Variants in MDN1 observed in about 807,000 individuals in gnomAD.
MDN1 encodes midasin.
Under a neutral mutation model 669.2 loss-of-function variants are expected in MDN1, and 266 were observed. That is an observed-to-expected ratio of 0.40 (90% CI 0.36 to 0.44). The LOEUF (loss-of-function observed/expected upper bound fraction) is 0.44. Among genes scored for constraint, MDN1 ranks in the 20% least tolerant of loss-of-function variants. The pLI is 1.00. For missense variants in MDN1, 5,940 were observed against 6,754.0 expected, an observed-to-expected ratio of 0.88 and a Z score of 4.22; for synonymous variants, 2,385 against 2,457.1, an observed-to-expected ratio of 0.97 and a Z score of 0.87.
intron 42 of MDN1, 34 bp from the exon 43 acceptor site, chr6:89,718,661 G>A: frequency 6.2e-7 from 1 of 1,609,426 alleles, no homozygotes; most frequent in South Asian, 1.1e-5. Flanking sequence ...CTCATCATAG[G>A]GTCAGAGAAT....
intron 12 of MDN1, 111 bp from the exon 13 acceptor site, chr6:89,774,844 C>T (rs990033428): frequency 2.7e-5 from 18 of 665,734 alleles, no homozygotes; most frequent in Admixed American, 5.3e-5. Flanking sequence ...GAATTATTCT[C>T]TACTTCCCAG....
chr6:89,680,380 G>C (rs1193650742), intron 74 of MDN1, among the ~76,000 whole-genome samples: 1 of 152,238 alleles, frequency 6.6e-6, no homozygotes, highest in Non-Finnish European at 1.5e-5. Context: ...AGTTACATGA[G>C]AGGACGACAA....
chr6:89,728,594 G>GTGGA (rs2128314636), intron 36 of MDN1, among the ~76,000 whole-genome samples: 1 of 152,302 alleles, frequency 6.6e-6, no homozygotes, highest in South Asian at 2.1e-4. Flanking sequence ...ACTTTGGGAG[G>GTGGA]CCAAGGCAGG....
chr6:89,731,677 G>C (rs1021452254), intron 34 of MDN1, among the ~76,000 whole-genome samples: 2 of 152,028 alleles, frequency 1.3e-5, no homozygotes, highest in African/African-American at 4.8e-5. Context: ...TTAAAACCTA[G>C]ATGACGGGTT....
rs558798663 is a variant in MDN1 at position 89,780,058 on chromosome 6, G to A, written c.1725+154C>T. Among the ~76,000 whole-genome samples the A allele has an allele frequency of 1.6e-3, 237 of 147,750 alleles. 1 individual carries two copies. The highest frequency in any genetic ancestry group is 2.7e-3 in the Non-Finnish European group (179 of 67,278). ...TCCAGCCTTGGGGACAAGAGCGAGA[G>A]ACTTCGTCTCAAAAAAAAAAAACAA... On this transcript the variant is annotated intron_variant, in intron 11 of 101. Coordinates refer to ENST00000369393, the MANE Select transcript of MDN1 (RefSeq NM_014611.3).
At position 89,663,098 on chromosome 6, in the gene MDN1, C is replaced by A. The variant is rs1011997074; in HGVS notation, c.14237-131G>T. 7 of 953,176 alleles carry A rather than the reference C, an allele frequency of 7.3e-6. No homozygotes were observed. In the African/African-American group the frequency reaches 9.8e-5, roughly 13 times the overall value. The allele number at this position is 953,176 out of a possible 1,614,324, so 59.0% of individuals were successfully genotyped here. ...TTATTGCCTTTTTCTACAGAACACA[C>A]CCTACGGGCAGATGCCTTTAGATCT... is the stretch of plus-strand genomic sequence containing the variant. On this transcript the variant is annotated intron_variant, in intron 85 of 101. Transcript: ENST00000369393.
rs200838047 is a variant in MDN1, at chr6:89,771,616, G to A, written c.2089C>T (p.Arg697Cys). The A allele has an allele frequency of 2.1e-4, 332 of 1,613,568 alleles. No homozygotes were observed. The highest frequency in any genetic ancestry group is 2.7e-4 in the Non-Finnish European group (318 of 1,179,664). ...TGATTCATATTGACAACCCTCAAACGGTGGCCTTTTATAAAGAAAGTGCAA... is the reference window on the plus strand; with the variant it reads ...TGATTCATATTGACAACCCTCAAACAGTGGCCTTTTATAAAGAAAGTGCAA... Reference protein sequence around the residue: ...IQYLAHITGHRLRVVNMNQQS... With the variant: ...IQYLAHITGHCLRVVNMNQQS... The change falls in exon 15 of 102, where the codon CGT (arginine) becomes TGT (cysteine). Residue 697 changes from arginine to cysteine, a missense_variant. Arg to Cys is a radical substitution (Grantham distance 180). This residue lies in a region of MDN1 where 1,203 missense variants were observed against 1,268.9 expected (regional missense o/e 0.95). Transcript: ENST00000369393.
Position 89,643,999 on chromosome 6 carries a change from T to C in MDN1, c.*6A>G. On this transcript the variant is annotated 3_prime_UTR_variant, in exon 102 of 102. Coordinates refer to ENST00000369393, the MANE Select transcript of MDN1 (RefSeq NM_014611.3). The stretch of plus-strand genomic sequence containing the variant: ...TTAAGTCTCACTTTGGACTCTTCTT[T>C]CTGTTCTATGGGTGGTCAGAGGCTG... 1.3e-6 allele frequency: 2 copies of C among 1,597,098 alleles called. No homozygotes were observed. The highest frequency in any genetic ancestry group is 1.7e-6 in the Non-Finnish European group (2 of 1,172,166).
In MDN1 at chr6:89,811,594, T is replaced by C. The variant is rs1181791142; in HGVS notation, c.102+7912A>G. ...CCAAGTAGCTGGGACTACAGGAGTG[T>C]GCCACCACGCCCAGCTAATTTTTGT... is the stretch of plus-strand genomic sequence containing the variant. On this transcript the variant is annotated intron_variant, in intron 1 of 101. Coordinates refer to ENST00000369393, the MANE Select transcript of MDN1 (RefSeq NM_014611.3). Among the ~76,000 whole-genome samples, 7 of 152,030 alleles carry C rather than the reference T, an allele frequency of 4.6e-5. No individual in the cohort carries two copies. In the South Asian group the frequency reaches 1.2e-3, roughly 27 times the overall value.
At chr6:89,741,221 G>C (rs1157164111) in intron 31 of MDN1, among the ~76,000 whole-genome samples, 3 of 152,144 alleles carry the variant, frequency 2.0e-5, no homozygotes, top group African/African-American at 7.2e-5. Context: ...AATACAGCAG[G>C]ATGCTGTCTC....
At chr6:89,804,185 C>T (rs1767866587) in intron 1 of MDN1, among the ~76,000 whole-genome samples, 1 of 152,094 alleles carries the variant, frequency 6.6e-6, no homozygotes, top group African/African-American at 2.4e-5. Context: ...GCTGGGATTA[C>T]AGGCGTGAGC....
At chr6:89,801,668 AAC>A (rs1398901155) in intron 2 of MDN1, among the ~76,000 whole-genome samples, 3 of 151,880 alleles carry the variant, frequency 2.0e-5, no homozygotes, top group Non-Finnish European at 2.9e-5. Context: ...AACAAAACAA[AAC>A]ACAACACAAA....
At chr6:89,766,118 G>A (rs1205828158) in intron 15 of MDN1, among the ~76,000 whole-genome samples, 1 of 152,032 alleles carries the variant, frequency 6.6e-6, no homozygotes, top group Non-Finnish European at 1.5e-5. Flanking sequence ...AGCCAAAATG[G>A]CAAAACCCCA....
chr6:89,722,933 AAATACC>A lies in MDN1; in HGVS notation c.5967+16_5967+21del. 2 of 1,589,150 alleles carry A rather than the reference AAATACC, an allele frequency of 1.3e-6. No individual in the cohort carries two copies. The highest frequency in any genetic ancestry group is 1.7e-6 in the Non-Finnish European group (2 of 1,165,548). On this transcript the variant is annotated intron_variant, in intron 40 of 101. Transcript: ENST00000369393. ...TCAACTTTCAGATGGAAAGAAATACAAATACCAAGCGTGAAACTCACCTTTTTTTTG... is the reference window on the plus strand; with the variant it reads ...TCAACTTTCAGATGGAAAGAAATACAAAGCGTGAAACTCACCTTTTTTTTG...
chr6:89,727,516 T>C lies in MDN1; in HGVS notation c.5472+317A>G, dbSNP rs568548237. 6.7e-4 allele frequency among the ~76,000 whole-genome samples: 102 copies of C among 152,278 alleles called. 3 individuals are homozygous for C. The South Asian group carries it at 0.021, about 31-fold the overall frequency. On this transcript the variant is annotated intron_variant, in intron 37 of 101. Coordinates refer to ENST00000369393, the MANE Select transcript of MDN1 (RefSeq NM_014611.3). ...TAAAACATGAAGCGGTTGACGCTATTTATAAAATGCCTCTAAAATAAATGC... is the reference window on the plus strand; with the variant it reads ...TAAAACATGAAGCGGTTGACGCTATCTATAAAATGCCTCTAAAATAAATGC...
intron 2 of MDN1, among the ~76,000 whole-genome samples, chr6:89,798,030 A>C (rs1293384827): frequency 1.3e-5 from 2 of 151,880 alleles, no homozygotes; most frequent in Admixed American, 6.6e-5. Flanking sequence ...AATACAAAAA[A>C]AATTAGCCAG....
At chr6:89,813,814 T>C (rs1279752206) in intron 1 of MDN1, among the ~76,000 whole-genome samples, 1 of 151,710 alleles carries the variant, frequency 6.6e-6, no homozygotes, top group Non-Finnish European at 1.5e-5. Context: ...ACTAAGTAAG[T>C]ATGCCTGTAA....
chr6:89,793,838 G>A lies in MDN1; in HGVS notation c.779C>T (p.Ser260Leu), dbSNP rs747123372. The change falls in exon 5 of 102, where the codon TCG (serine) becomes TTG (leucine). Residue 260 changes from serine (S) to leucine (L), a missense_variant. Ser to Leu is a moderately radical substitution (Grantham distance 145). This residue lies in a region of MDN1 where 1,203 missense variants were observed against 1,268.9 expected (regional missense o/e 0.95). Coordinates refer to ENST00000369393, the MANE Select transcript of MDN1 (RefSeq NM_014611.3). ...ELQYLQGHLV[S>L]SDLSPRVTAV... ...TGTCACCCTAGGGGAGAGGTCAGACGAAACAAGATGTCCCTGTAAGTACTG... is the reference window on the plus strand; with the variant it reads ...TGTCACCCTAGGGGAGAGGTCAGACAAAACAAGATGTCCCTGTAAGTACTG... The A allele has an allele frequency of 1.4e-5, 23 of 1,614,054 alleles. No individual in the cohort carries two copies. Among genetic ancestry groups the A allele is most frequent in the Admixed American group, 8.3e-5 (5 of 60,002 alleles).
intron 85 of MDN1, 132 bp downstream of exon 85, chr6:89,664,355 C>A: frequency 1.8e-6 from 2 of 1,097,718 alleles, no homozygotes; most frequent in South Asian, 2.9e-5. Flanking sequence ...CTGAGGTTTT[C>A]ATTTGCACTT....
Sources: allele counts gnomAD v4.1 joint callset (sites outside exome capture counted in the v4.1 genomes callset), GRCh38; gene constraint gnomAD v4.1.1; regional missense constraint gnomAD v4.1.1; transcripts MANE v1.5; gene names NCBI Gene and HGNC (gene_info 2026-07-23, HGNC 2026-07-21).